Variants in SI observed in about 807,000 individuals in gnomAD.
SI encodes the protein sucrase-isomaltase.
In SI, 235 loss-of-function variants were observed where a neutral mutation model predicts 253.3. That is an observed-to-expected ratio of 0.93 (90% CI 0.83 to 1.03). The LOEUF (loss-of-function observed/expected upper bound fraction) is 1.03. Ranked by LOEUF, SI falls within the 50% of genes least tolerant of loss-of-function variation. The pLI, the probability that SI is intolerant of heterozygous loss-of-function variation, is 0.00. For missense variants in SI, 2,442 were observed against 2,211.1 expected, an observed-to-expected ratio of 1.10 and a Z score of -2.09; for synonymous variants, 819 against 712.0, an observed-to-expected ratio of 1.15 and a Z score of -2.39.
chr3:165,050,960 T>C (rs190164107), intron 13 of SI, among the ~76,000 whole-genome samples: 1 of 152,194 alleles, frequency 6.6e-6, no homozygotes, highest in East Asian at 1.9e-4. Flanking sequence ...TTTCTGAGAC[T>C]TCCCAGATAA....
In SI at chr3:165,046,933, C is replaced by T; in HGVS notation, c.1795G>A (p.Ala599Thr). ...GCAGTATTGTCTCCTAACCAATGCG[C>T]AGCATGTCTTCCAGATCCAGCAAAT... ...STFAGSGRHA[A>T]HWLGDNTASW... The change falls in exon 16 of 48, where the codon GCG becomes ACG. Residue 599 changes from alanine (A) to threonine (T), a missense_variant. By Grantham distance (58) the Ala-to-Thr change is moderately conservative (BLOSUM62 0). Coordinates refer to ENST00000264382, the MANE Select transcript of SI (RefSeq NM_001041.4). 6.2e-7 allele frequency: 1 copy of T among 1,612,676 alleles called. No individual in the cohort carries two copies. The highest frequency in any genetic ancestry group is 8.5e-7 in the Non-Finnish European group (1 of 1,179,240).
At chr3:165,011,483 C>G (rs754099481) in intron 34 of SI, among the ~76,000 whole-genome samples, 46 of 152,034 alleles carry the variant, frequency 3.0e-4, no homozygotes, top group East Asian at 7.7e-4. Flanking sequence ...GGTATGTTTT[C>G]TATCTTCTCA....
intron 26 of SI, among the ~76,000 whole-genome samples, chr3:165,021,725 AT>A (rs1051086895): frequency 6.6e-6 from 1 of 151,706 alleles, no homozygotes; most frequent in Non-Finnish European, 1.5e-5. Context: ...TTGTTTCAAT[AT>A]TTTTTGTCAT....
intron 16 of SI, among the ~76,000 whole-genome samples, chr3:165,044,493 G>T (rs1713013650): frequency 6.6e-6 from 1 of 151,718 alleles, no homozygotes; most frequent in Non-Finnish European, 1.5e-5. Context: ...GTTTTTACTT[G>T]CATTTCTCTG....
At chr3:164,979,525 A>G in intron 47 of SI, 95 bp from the exon 48 acceptor site, 1 of 673,594 alleles carries the variant, frequency 1.5e-6, no homozygotes, top group Non-Finnish European at 2.6e-6. Flanking sequence ...AATAAATAGT[A>G]TATACCTTTA....
At chr3:164,987,618 G>A (rs1286188912) in intron 44 of SI, among the ~76,000 whole-genome samples, 2 of 151,828 alleles carry the variant, frequency 1.3e-5, no homozygotes, top group East Asian at 3.9e-4. Context: ...CTGAGGCAGG[G>A]CAATTGCTTG....
rs139371353 is a variant in SI at position 165,004,936 on chromosome 3, C to T, written c.4406+1880G>A. Among the ~76,000 whole-genome samples, 26 of 152,050 alleles carry T rather than the reference C, an allele frequency of 1.7e-4. No homozygotes were observed. In the East Asian group the frequency reaches 4.5e-3, roughly 26 times the overall value. ...GTGGGAGGTGATTCCATCATGGGGG[C>T]GGTTTCCCCTACGCTATTCTTGTAA... On this transcript the variant is annotated intron_variant, in intron 37 of 47. Coordinates refer to ENST00000264382, the MANE Select transcript of SI (RefSeq NM_001041.4).
intron 28 of SI, among the ~76,000 whole-genome samples, 169 bp from the exon 29 acceptor site, chr3:165,018,235 T>C (rs111232935): frequency 0.017 from 2,535 of 151,670 alleles, 33 homozygotes; most frequent in South Asian, 0.029. Flanking sequence ...AGAATATAAT[T>C]GTTTAAATTT....
intron 9 of SI, among the ~76,000 whole-genome samples, 200 bp downstream of exon 9, chr3:165,062,171 A>G (rs929852171): frequency 6.6e-6 from 1 of 151,890 alleles, no homozygotes; most frequent in Non-Finnish European, 1.5e-5. Context: ...ATTCAGAAAC[A>G]TAGATACTTG....
Position 165,074,683 on chromosome 3 carries a change from A to T in SI, c.119-16T>A. ...TCACTAATTTCTGGGGGAGGAAAAA[A>T]CTCAATAAAATAAAACATGACATTA... On this transcript the variant is annotated splice_polypyrimidine_tract_variant and intron_variant, in intron 2 of 47. Coordinates refer to ENST00000264382, the MANE Select transcript of SI (RefSeq NM_001041.4). 1 of 1,598,496 alleles carries T rather than the reference A, an allele frequency of 6.3e-7. No homozygotes were observed. Among genetic ancestry groups the T allele is most frequent in the Non-Finnish European group, 8.6e-7 (1 of 1,167,028 alleles).
Position 165,019,764 on chromosome 3 carries a change from A to G in SI, c.3261T>C (p.Asp1087=). 1 of 1,612,254 alleles carries G rather than the reference A, an allele frequency of 6.2e-7. No individual in the cohort carries two copies. Among genetic ancestry groups the G allele is most frequent in the Non-Finnish European group, 8.5e-7 (1 of 1,178,760 alleles). Reference sequence around the variant, plus strand: ...TAAAAGCAAATCCAGGCAGCCAAGAATCCCAACTGAAAACAAAAGAAAACA... The same window carrying G: ...TAAAAGCAAATCCAGGCAGCCAAGAGTCCCAACTGAAAACAAAAGAAAACA... ...RRRSSGRVIW[D]SWLPGFAFND... is the part of the protein sequence containing the mutation. Residue 1087 remains aspartate, a synonymous_variant, in exon 28 of 48, where the codon GAT becomes GAC. Transcript: ENST00000264382.
Position 165,039,873 on chromosome 3 carries a change from C to G in SI, c.2244+14G>C, listed in dbSNP as rs114458546. ...AAGTTCAAACAATAAGGTTATTAAA[C>G]CTGTAGAGCCTACCTGTTTTAGAAC... On this transcript the variant is annotated intron_variant, in intron 19 of 47. Coordinates refer to ENST00000264382, the MANE Select transcript of SI (RefSeq NM_001041.4). 6 of 1,570,552 alleles carry G rather than the reference C, an allele frequency of 3.8e-6. No homozygotes were observed. The highest frequency in any genetic ancestry group is 2.7e-5 in the African/African-American group (2 of 73,890).
intron 3 of SI, among the ~76,000 whole-genome samples, chr3:165,073,341 A>T (rs1343099240): frequency 2.0e-5 from 3 of 151,970 alleles, no homozygotes; most frequent in Non-Finnish European, 1.5e-5. Context: ...AGGTTAAGTA[A>T]AGAGAATATC....
In SI at chr3:164,987,286, G is replaced by C. The variant is rs895991730; in HGVS notation, c.5109-60C>G. ...TGTAGAATAGCATATGTCTAGTTAT[G>C]ATATGACATCCACATAAGGATCTAT... On this transcript the variant is annotated intron_variant, in intron 44 of 47. Coordinates refer to ENST00000264382, the MANE Select transcript of SI (RefSeq NM_001041.4). 5.9e-6 allele frequency: 8 copies of C among 1,348,050 alleles called. No individual in the cohort carries two copies. In the African/African-American group the frequency reaches 8.6e-5, roughly 15 times the overall value. The allele number at this position is 1,348,050 out of a possible 1,614,324, so 83.5% of individuals were successfully genotyped here. A position where few individuals can be genotyped will look rare whatever the true frequency, so the allele number is the denominator to read the frequency against.
rs765458354 is a variant in SI, at chr3:165,049,889, A to G, written c.1513-14T>C. ...TTCATTCATGTCCTGAATGGATACA[A>G]AATGAAGAACAGCAGATTTTACATA... On this transcript the variant is annotated splice_polypyrimidine_tract_variant and intron_variant, in intron 13 of 47. Transcript: ENST00000264382. 2.0e-6 allele frequency: 3 copies of G among 1,510,314 alleles called. No homozygotes were observed. The allele number at this position is 1,510,314 out of a possible 1,614,324, so 93.6% of individuals were successfully genotyped here.
intron 36 of SI, 98 bp from the exon 37 acceptor site, chr3:165,007,052 C>T (rs1718546726): frequency 8.8e-6 from 8 of 910,314 alleles, no homozygotes. Context: ...AGAAATTAAT[C>T]AGTGTTTTAT....
At chr3:165,080,007 G>C (rs1560025158), upstream of SI, among the ~76,000 whole-genome samples, 1 of 151,862 alleles carries the variant, frequency 6.6e-6, no homozygotes, top group Non-Finnish European at 1.5e-5. Context: ...TAGACAAGCT[G>C]ATTGTAAATT....
intron 37 of SI, among the ~76,000 whole-genome samples, chr3:165,002,285 G>T (rs1015800306): frequency 6.6e-6 from 1 of 151,634 alleles, no homozygotes; most frequent in Non-Finnish European, 1.5e-5. Flanking sequence ...CAAATTACAA[G>T]AGATGAGAGC....
intron 6 of SI, among the ~76,000 whole-genome samples, chr3:165,065,924 C>A (rs114526948): frequency 1.3e-5 from 2 of 151,758 alleles, no homozygotes; most frequent in African/African-American, 2.4e-5. Context: ...TATGTACTAC[C>A]AGAAATGCTA....
Sources: allele counts gnomAD v4.1 joint callset (sites outside exome capture counted in the v4.1 genomes callset), GRCh38; gene constraint gnomAD v4.1.1; transcripts MANE v1.5; gene names NCBI Gene and HGNC (gene_info 2026-07-23, HGNC 2026-07-21).